Variants in GPATCH8 observed in about 807,000 individuals in gnomAD.
GPATCH8 encodes G-patch domain containing 8, also known as G patch domain-containing protein 8.
In GPATCH8, 18 loss-of-function variants were observed where a neutral mutation model predicts 118.3. The observed-to-expected ratio is 0.15, with a 90% CI of 0.11 to 0.23. The LOEUF is 0.23. Among genes scored for constraint, GPATCH8 ranks in the 10% least tolerant of loss-of-function variants. The pLI is 1.00. For missense variants in GPATCH8, 1,631 were observed against 1,873.8 expected (o/e 0.87, Z 2.39); for synonymous variants, 659 against 684.7 (o/e 0.96, Z 0.59).
At position 44,413,610 on chromosome 17, in the gene GPATCH8, GGACC is replaced by G. The variant is rs879599343; in HGVS notation, c.493-7563_493-7560del. On this transcript the variant is annotated intron_variant, in intron 6 of 7. Coordinates refer to ENST00000591680, the MANE Select transcript of GPATCH8 (RefSeq NM_001002909.4). ...CCTGCCTCAGCCTCCTGAGAAGCTGGGACCATAGATGCGTGCCACCACACCGGGC... is the reference window on the plus strand; with the variant it reads ...CCTGCCTCAGCCTCCTGAGAAGCTGGATAGATGCGTGCCACCACACCGGGC... Among the ~76,000 whole-genome samples the G allele has an allele frequency of 7.4e-3, 1,130 of 152,172 alleles. 9 individuals carry two copies. Among genetic ancestry groups the G allele is most frequent in the Non-Finnish European group, 0.013 (871 of 68,012 alleles).
At chr17:44,439,741 T>C (rs2050626000) in intron 3 of GPATCH8, among the ~76,000 whole-genome samples, 2 of 152,062 alleles carry the variant, frequency 1.3e-5, no homozygotes, top group South Asian at 4.1e-4. Context: ...AAAAGGTAGG[T>C]AGCAAGAGTG....
chr17:44,483,875 T>C (rs554252582), intron 1 of GPATCH8, among the ~76,000 whole-genome samples: 10 of 151,332 alleles, frequency 6.6e-5, no homozygotes, highest in African/African-American at 2.2e-4. Flanking sequence ...AGAGTCTCAT[T>C]CTGTTGCCCA....
intron 3 of GPATCH8, among the ~76,000 whole-genome samples, chr17:44,441,192 A>C (rs555042433): frequency 6.6e-6 from 1 of 152,290 alleles, no homozygotes. Context: ...GGAATAGAAC[A>C]ACTGGGAAGA....
intron 3 of GPATCH8, among the ~76,000 whole-genome samples, chr17:44,457,625 C>T (rs1444081629): frequency 6.6e-6 from 1 of 152,046 alleles, no homozygotes; most frequent in Non-Finnish European, 1.5e-5. Context: ...ATTTTATATC[C>T]TAAAAATTTT....
chr17:44,418,202 G>A (rs1257798240), intron 6 of GPATCH8, among the ~76,000 whole-genome samples: 1 of 151,696 alleles, frequency 6.6e-6, no homozygotes, highest in Non-Finnish European at 1.5e-5. Flanking sequence ...AGGGAAGGAG[G>A]ATTGACTATA....
chr17:44,494,418 C>G (rs1027860123), intron 1 of GPATCH8, among the ~76,000 whole-genome samples: 1 of 152,132 alleles, frequency 6.6e-6, no homozygotes, highest in African/African-American at 2.4e-5. Context: ...ATAGTGAAAC[C>G]CTGTCCCTAT....
At chr17:44,424,682 T>C (rs773633816) in intron 5 of GPATCH8, among the ~76,000 whole-genome samples, 190 bp from the exon 6 acceptor site, 19 of 152,198 alleles carry the variant, frequency 1.2e-4, no homozygotes, top group South Asian at 2.1e-4. Context: ...ATACTAACAA[T>C]TGTCTTCAAA....
intron 6 of GPATCH8, among the ~76,000 whole-genome samples, chr17:44,415,606 A>AT (rs1463886088): frequency 6.6e-6 from 1 of 152,236 alleles, no homozygotes; most frequent in African/African-American, 2.4e-5. Context: ...CTGAAGGCGG[A>AT]TAAGTCATAA....
intron 6 of GPATCH8, among the ~76,000 whole-genome samples, chr17:44,419,158 G>A (rs1442845309): frequency 6.6e-6 from 1 of 152,172 alleles, no homozygotes; most frequent in Non-Finnish European, 1.5e-5. Context: ...TTAGGATCCT[G>A]CCTCTACTAT....
At chr17:44,448,526 A>G (rs2050979555) in intron 3 of GPATCH8, among the ~76,000 whole-genome samples, 3 of 109,906 alleles carry the variant, frequency 2.7e-5, no homozygotes, top group South Asian at 3.2e-4. Context: ...AAGAAGGAGG[A>G]AGAAGAAGAA....
intron 2 of GPATCH8, among the ~76,000 whole-genome samples, chr17:44,472,333 C>T (rs1392438253): frequency 6.6e-6 from 1 of 152,200 alleles, no homozygotes; most frequent in Non-Finnish European, 1.5e-5. Flanking sequence ...AGACTGCCTT[C>T]TGATACTGTT....
At chr17:44,409,296 T>A (rs1220895051) in intron 6 of GPATCH8, 1 of 152,242 alleles carries the variant, frequency 6.6e-6, no homozygotes, top group Non-Finnish European at 1.5e-5. Flanking sequence ...TGGGCTCAAG[T>A]GATACCCCCA....
chr17:44,455,034 T>C (rs1268032396), intron 3 of GPATCH8, among the ~76,000 whole-genome samples: 3 of 152,204 alleles, frequency 2.0e-5, no homozygotes, highest in African/African-American at 7.2e-5. Flanking sequence ...AATCCATACC[T>C]TGATTTGTGA....
intron 2 of GPATCH8, among the ~76,000 whole-genome samples, chr17:44,468,587 T>G (rs1211481608): frequency 6.6e-6 from 1 of 151,808 alleles, no homozygotes; most frequent in South Asian, 2.1e-4. Flanking sequence ...TTTTTAAAAA[T>G]AATTTTAAAA....
intron 1 of GPATCH8, among the ~76,000 whole-genome samples, chr17:44,489,666 C>G (rs1969084701): frequency 6.6e-6 from 1 of 151,890 alleles, no homozygotes; most frequent in Non-Finnish European, 1.5e-5. Flanking sequence ...GAATGTTATA[C>G]TAGAAAAACA....
In GPATCH8 at chr17:44,493,365, T is replaced by G. The variant is rs538646003; in HGVS notation, c.45+9961A>C. Among the ~76,000 whole-genome samples the G allele has an allele frequency of 2.9e-3, 445 of 152,252 alleles. 2 individuals carry two copies. The highest frequency in any genetic ancestry group is 0.01 in the African/African-American group (426 of 41,540). ...CACGAGCCCCCACGCCTGACAACTA[T>G]TGGTTTTTAATACTGAGATGTTCTG... On this transcript the variant is annotated intron_variant, in intron 1 of 7. Coordinates refer to ENST00000591680, the MANE Select transcript of GPATCH8 (RefSeq NM_001002909.4).
chr17:44,495,022 T>G (rs1276227291), intron 1 of GPATCH8, among the ~76,000 whole-genome samples: 2 of 152,160 alleles, frequency 1.3e-5, no homozygotes. Flanking sequence ...AGATCCAGCT[T>G]AAATGCTAAC....
intron 6 of GPATCH8, among the ~76,000 whole-genome samples, chr17:44,408,224 CCCAGGCTGG>C (rs2049303756): frequency 8.8e-6 from 1 of 113,244 alleles, no homozygotes; most frequent in Admixed American, 9.5e-5. Flanking sequence ...TATTCTGTCG[CCCAGGCTGG>C]AGTGCAGTGG....
chr17:44,467,173 C>A (rs2051799573), intron 2 of GPATCH8: 4 of 699,514 alleles, frequency 5.7e-6, no homozygotes, highest in African/African-American at 1.9e-5. Context: ...CACTAATGGT[C>A]GTTTTTTTTT....
Sources: gnomAD v4.1 joint callset for allele counts (sites outside exome capture counted in the v4.1 genomes callset) on GRCh38, gnomAD v4.1.1 for gene constraint, MANE v1.5 for transcripts, NCBI Gene and HGNC (gene_info 2026-07-23, HGNC 2026-07-21) for gene names.